The following ARK2N variants were observed in gnomAD, a reference collection of about 807,000 sequenced individuals.
ARK2N encodes arkadia (RNF111) N-terminal like PKA signaling regulator 2N.
chr18:46,244,600 G>GGTTTTTT, the ARK2N span, among the ~76,000 whole-genome samples: 1 of 44,988 alleles, frequency 2.2e-5, no homozygotes, highest in Non-Finnish European at 4.9e-5. Context: ...TAAGAGTTTA[G>GGTTTTTT]ATTTTTTTTT....
the ARK2N span, among the ~76,000 whole-genome samples, chr18:46,190,268 C>T: frequency 2.6e-5 from 4 of 152,070 alleles, no homozygotes; most frequent in Admixed American, 2.0e-4. Flanking sequence ...GCCTGTAATC[C>T]CAGCACTTTG....
the ARK2N span, among the ~76,000 whole-genome samples, chr18:46,259,695 G>A: frequency 6.6e-6 from 1 of 151,608 alleles, no homozygotes; most frequent in Non-Finnish European, 1.5e-5. Context: ...AGCCTCGACC[G>A]CCAAGGCTCA....
chr18:46,234,697 AT>A, the ARK2N span, among the ~76,000 whole-genome samples: 1 of 151,582 alleles, frequency 6.6e-6, no homozygotes, highest in Non-Finnish European at 1.5e-5. Flanking sequence ...AAGGTGTAAG[AT>A]TTTTTGCTTT....
At chr18:46,176,280 T>G in the ARK2N span, among the ~76,000 whole-genome samples, 4 of 149,362 alleles carry the variant, frequency 2.7e-5, no homozygotes, top group Admixed American at 2.0e-4. Context: ...TTCAGTATTC[T>G]TCTTTCTAAA....
the ARK2N span, chr18:46,217,435 C>G: frequency 1.3e-5 from 2 of 152,144 alleles, no homozygotes; most frequent in Non-Finnish European, 2.9e-5. Flanking sequence ...ATTTTGTAAA[C>G]TGTATGGCAT....
the ARK2N span, among the ~76,000 whole-genome samples, chr18:46,257,288 T>A: frequency 5.9e-5 from 9 of 152,208 alleles, no homozygotes; most frequent in African/African-American, 2.2e-4. Flanking sequence ...GTTTGGCCTT[T>A]GCACTCAGTA....
At chr18:46,266,357 G>T in the ARK2N span, 5 of 152,624 alleles carry the variant, frequency 3.3e-5, no homozygotes, top group Non-Finnish European at 7.3e-5. Flanking sequence ...TCTCCAATAT[G>T]TGTATGATGT....
chr18:46,243,232 T>G, the ARK2N span, among the ~76,000 whole-genome samples: 3 of 152,226 alleles, frequency 2.0e-5, no homozygotes, highest in Non-Finnish European at 4.4e-5. Context: ...TTAATAGAAT[T>G]TATGCTTAGG....
chr18:46,187,944 T>C, the ARK2N span, among the ~76,000 whole-genome samples: 1 of 152,206 alleles, frequency 6.6e-6, no homozygotes, highest in African/African-American at 2.4e-5. Context: ...ACTCCCCCGC[T>C]AAGTAACTCC....
chr18:46,182,395 T>C, the ARK2N span, among the ~76,000 whole-genome samples: 1 of 152,150 alleles, frequency 6.6e-6, no homozygotes, highest in Non-Finnish European at 1.5e-5. Context: ...ATGTGAATTG[T>C]CTTCTGAAGG....
the ARK2N span, among the ~76,000 whole-genome samples, chr18:46,211,665 A>G: frequency 6.6e-6 from 1 of 152,128 alleles, no homozygotes; most frequent in Non-Finnish European, 1.5e-5. Flanking sequence ...TCAATAATGT[A>G]AGATATTAGG....
the ARK2N span, among the ~76,000 whole-genome samples, chr18:46,258,974 T>C: frequency 3.3e-5 from 5 of 152,136 alleles, no homozygotes; most frequent in African/African-American, 1.2e-4. Flanking sequence ...AATATTTCTC[T>C]AGCACCCTTC....
the ARK2N span, among the ~76,000 whole-genome samples, chr18:46,192,400 C>T: frequency 2.6e-5 from 4 of 151,880 alleles, no homozygotes; most frequent in East Asian, 5.9e-4. Flanking sequence ...GGTGAAACCC[C>T]GTCTTTACTA....
At chr18:46,210,686 G>T in the ARK2N span, among the ~76,000 whole-genome samples, 2 of 152,004 alleles carry the variant, frequency 1.3e-5, no homozygotes. Context: ...GAGGTGGGTC[G>T]ATCACTTGAA....
the ARK2N span, among the ~76,000 whole-genome samples, chr18:46,251,192 A>G: frequency 6.6e-6 from 1 of 152,214 alleles, no homozygotes; most frequent in Non-Finnish European, 1.5e-5. Context: ...AGAGTCTGTG[A>G]TTTTGTATTC....
At chr18:46,253,920 C>G in the ARK2N span, 2 of 1,365,626 alleles carry the variant, frequency 1.5e-6, no homozygotes, top group Non-Finnish European at 2.0e-6. Flanking sequence ...TATGGCATAG[C>G]TGGCATGAAT....
At chr18:46,228,878 A>G in the ARK2N span, 4 of 398,398 alleles carry the variant, frequency 1.0e-5, no homozygotes, top group South Asian at 5.1e-4. Flanking sequence ...AAACATAGGT[A>G]TTAATAGTTA....
At chr18:46,212,195 G>C in the ARK2N span, among the ~76,000 whole-genome samples, 1 of 152,270 alleles carries the variant, frequency 6.6e-6, no homozygotes, top group East Asian at 1.9e-4. Context: ...GTAGTCTAGT[G>C]TTATGGCCCC....
At chr18:46,227,645 T>C in the ARK2N span, among the ~76,000 whole-genome samples, 1 of 152,134 alleles carries the variant, frequency 6.6e-6, no homozygotes, top group South Asian at 2.1e-4. Flanking sequence ...TTGCCCAGGC[T>C]GGAATGCAAT....
Sources: allele counts gnomAD v4.1 joint callset (sites outside exome capture counted in the v4.1 genomes callset), GRCh38; gene constraint gnomAD v4.1.1; transcripts MANE v1.5; gene names NCBI Gene and HGNC (gene_info 2026-07-23, HGNC 2026-07-21).